CHIC1: variants seen among roughly 807,000 people sequenced by gnomAD.
CHIC1 encodes cysteine-rich hydrophobic domain-containing protein 1.
CHIC1 carries 7 observed loss-of-function variants against 18.5 expected under a neutral mutation model. That is an observed-to-expected ratio of 0.38 (90% confidence interval 0.22 to 0.71). The LOEUF is 0.71. Among genes scored for constraint, CHIC1 ranks in the 30% least tolerant of loss-of-function variants. The pLI, the probability that CHIC1 is intolerant of heterozygous loss-of-function variation, is 0.49. For synonymous variants in CHIC1, 77 were observed against 73.5 expected, an observed-to-expected ratio of 1.05 and a Z score of -0.25; for missense variants, 159 against 176.9, an observed-to-expected ratio of 0.90 and a Z score of 0.57.
At chrX:73,569,727 T>G (rs2057461201) in intron 1 of CHIC1, among the ~76,000 whole-genome samples, 1 of 111,495 alleles carries the variant, frequency 9.0e-6, no homozygotes, top group Non-Finnish European at 1.9e-5. Context: ...CTAAAGTTAT[T>G]TAAGTATTTT....
intron 3 of CHIC1, among the ~76,000 whole-genome samples, chrX:73,608,440 A>C (rs1051246202): frequency 5.5e-5 from 6 of 108,276 alleles, no homozygotes; most frequent in East Asian, 2.8e-4. Flanking sequence ...TGAAAAAGTC[A>C]TTGAGATTCT....
intron 3 of CHIC1, 143 bp downstream of exon 3, chrX:73,584,715 A>G (rs1049429281): frequency 2.4e-6 from 1 of 418,836 alleles, no homozygotes. Flanking sequence ...AGATAAGGAA[A>G]CTTGGGGACA....
intron 3 of CHIC1, among the ~76,000 whole-genome samples, chrX:73,677,326 C>T (rs1429964748): frequency 2.7e-5 from 3 of 112,263 alleles, no homozygotes; most frequent in African/African-American, 6.5e-5. Context: ...GCCCTGCCCC[C>T]AGAGGTGGAG....
chrX:73,563,558 C>A lies in CHIC1; in HGVS notation c.274C>A (p.Arg92=), dbSNP rs1191341413. 1 of 1,110,503 alleles carries A rather than the reference C, an allele frequency of 9.0e-7. No homozygotes were observed. 91.5% of individuals were successfully genotyped at this position (1,110,503 alleles called of 1,213,427 possible). The change falls in exon 1 of 6, where the codon CGG becomes AGG. Residue 92 remains arginine (R), a synonymous_variant. Coordinates refer to ENST00000373502, the MANE Select transcript of CHIC1 (RefSeq NM_001039840.4). Reference sequence around the variant, plus strand: ...ATATGCTCCCGACCCTGTATTAGTGCGGGGTGCCGGCCACATCACTGTGTA... The same window carrying A: ...ATATGCTCCCGACCCTGTATTAGTGAGGGGTGCCGGCCACATCACTGTGTA... The part of the protein sequence containing the change: ...RRYAPDPVLV[R]GAGHITVFGL...
At chrX:73,665,835 C>A (rs1282732493) in intron 3 of CHIC1, among the ~76,000 whole-genome samples, 2 of 111,603 alleles carry the variant, frequency 1.8e-5, no homozygotes, top group African/African-American at 6.5e-5. Flanking sequence ...AGGAGGGCAT[C>A]ATAAAGAGTC....
intron 3 of CHIC1, among the ~76,000 whole-genome samples, chrX:73,660,329 C>T (rs1603349709): frequency 8.9e-6 from 1 of 111,916 alleles, no homozygotes; most frequent in South Asian, 3.7e-4. Context: ...AGGGACCCCA[C>T]TGGGGGTAAA....
intron 3 of CHIC1, among the ~76,000 whole-genome samples, chrX:73,660,455 G>C (rs755084782): frequency 1.8e-5 from 2 of 112,099 alleles, no homozygotes; most frequent in African/African-American, 3.2e-5. Context: ...AGTGTAGCAG[G>C]TACAGGTTGC....
intron 3 of CHIC1, among the ~76,000 whole-genome samples, chrX:73,621,165 T>A (rs1444361250): frequency 8.9e-6 from 1 of 111,858 alleles, no homozygotes; most frequent in African/African-American, 3.3e-5. Context: ...TTGCTTAGGA[T>A]TGTCTTGGCT....
chrX:73,660,517 A>C (rs141297764), intron 3 of CHIC1, among the ~76,000 whole-genome samples: 2 of 112,211 alleles, frequency 1.8e-5, no homozygotes, highest in Admixed American at 9.4e-5. Context: ...GTTGCAGTGT[A>C]CAACAGAGAG....
At chrX:73,621,823 A>C (rs905703205) in intron 3 of CHIC1, among the ~76,000 whole-genome samples, 1 of 112,017 alleles carries the variant, frequency 8.9e-6, no homozygotes, top group Admixed American at 9.5e-5. Flanking sequence ...TATGATATTG[A>C]CTGTGGGTTT....
intron 3 of CHIC1, among the ~76,000 whole-genome samples, chrX:73,598,099 A>G (rs1184097138): frequency 2.7e-5 from 3 of 111,255 alleles, no homozygotes; most frequent in African/African-American, 9.8e-5. Context: ...ATGTGTCTTT[A>G]TAGGAGAATG....
At chrX:73,618,711 G>A (rs760020817) in intron 3 of CHIC1, among the ~76,000 whole-genome samples, 4 of 112,112 alleles carry the variant, frequency 3.6e-5, no homozygotes, top group South Asian at 3.7e-4. Flanking sequence ...TCCTGGCTGC[G>A]AAAGCAAGCA....
At chrX:73,643,092 G>T (rs1296881496) in intron 3 of CHIC1, among the ~76,000 whole-genome samples, 1 of 111,558 alleles carries the variant, frequency 9.0e-6, no homozygotes, top group Non-Finnish European at 1.9e-5. Flanking sequence ...GCATTTGCTT[G>T]TCTGTAAAGT....
At chrX:73,624,261 AC>A (rs1402606951) in intron 3 of CHIC1, among the ~76,000 whole-genome samples, 1 of 111,704 alleles carries the variant, frequency 9.0e-6, no homozygotes, top group African/African-American at 3.2e-5. Context: ...TAGTTACTAC[AC>A]ACCAAGTTTC....
chrX:73,563,668 G>A (rs1373117652), intron 1 of CHIC1, 88 bp downstream of exon 1: 7 of 906,603 alleles, frequency 7.7e-6, no homozygotes, highest in Non-Finnish European at 1.0e-5. Flanking sequence ...TGGAGTGGGG[G>A]AGGGTTGACT....
chrX:73,679,580 G>C, intron 4 of CHIC1, 74 bp from the exon 5 acceptor site: 1 of 704,003 alleles, frequency 1.4e-6, no homozygotes, highest in South Asian at 3.2e-5. Context: ...TGTTTTCAGT[G>C]ATTTATTCAA....
chrX:73,598,479 C>A (rs1436056509), intron 3 of CHIC1, among the ~76,000 whole-genome samples: 1 of 70,889 alleles, frequency 1.4e-5, no homozygotes, highest in Non-Finnish European at 2.6e-5. Flanking sequence ...TATCCCTCCC[C>A]CCTCCCCCCA....
chrX:73,683,627 A>G lies in CHIC1; in HGVS notation c.*2622A>G, dbSNP rs2058108764. On this transcript the variant is annotated 3_prime_UTR_variant, in exon 6 of 6. Coordinates refer to ENST00000373502, the MANE Select transcript of CHIC1 (RefSeq NM_001039840.4). ...AAGTAATTTTGAATTTCTTTGTTAC[A>G]TAATATTCCTTTATGAAACTTGTGA... The G allele has an allele frequency of 8.9e-6, 1 of 112,110 alleles. No homozygotes were observed. Among genetic ancestry groups the G allele is most frequent in the Non-Finnish European group, 1.9e-5 (1 of 52,968 alleles). The allele number at this position is 112,110 out of a possible 1,213,427, so 9.2% of individuals were successfully genotyped here.
rs754600133 is a variant in CHIC1, at chrX:73,674,812, TTTAA to T, written c.508-4511_508-4508del. Among the ~76,000 whole-genome samples, 5,199 of 110,566 alleles carry T rather than the reference TTTAA, an allele frequency of 0.047. 712 individuals are homozygous for T. The East Asian group carries it at 0.75, about 16-fold the overall frequency. On this transcript the variant is annotated intron_variant, in intron 3 of 5. Coordinates refer to ENST00000373502, the MANE Select transcript of CHIC1 (RefSeq NM_001039840.4). ...TGTTTGCTCTTGCTTTTCTAGTTCTTTTAATTGTGATGTTAGGGTGTCAATTTTG... is the reference window on the plus strand; with the variant it reads ...TGTTTGCTCTTGCTTTTCTAGTTCTTTTGTGATGTTAGGGTGTCAATTTTG...
Sources: gnomAD v4.1 joint callset for allele counts (sites outside exome capture counted in the v4.1 genomes callset) on GRCh38, gnomAD v4.1.1 for gene constraint, MANE v1.5 for transcripts, NCBI Gene and HGNC (gene_info 2026-07-23, HGNC 2026-07-21) for gene names.